The following CDH4 variants were observed in gnomAD, a reference collection of about 807,000 sequenced individuals.
CDH4 encodes cadherin 4, also known as cadherin-4.
CDH4 carries 33 observed loss-of-function variants against 86.0 expected under a neutral mutation model. The observed-to-expected ratio is 0.38, with a 90% confidence interval of 0.29 to 0.51. The LOEUF (loss-of-function observed/expected upper bound fraction) is 0.51. CDH4 is among the 20% of genes least tolerant of loss of function. The pLI is 0.86. For missense variants in CDH4, 1,114 were observed against 1,307.4 expected (o/e 0.85, Z 2.28); for synonymous variants, 555 against 549.4 (o/e 1.01, Z -0.14).
chr20:61,761,025 G>A (rs537345872), intron 3 of CDH4, among the ~76,000 whole-genome samples: 26 of 152,330 alleles, frequency 1.7e-4, no homozygotes, highest in African/African-American at 6.3e-4. Context: ...CCAGCTAGAA[G>A]GCTGCAGACA....
chr20:61,355,298 G>A (rs187200927), intron 2 of CDH4, among the ~76,000 whole-genome samples: 3 of 152,290 alleles, frequency 2.0e-5, no homozygotes, highest in East Asian at 1.9e-4. Flanking sequence ...CTCTCATTCC[G>A]CCTCTGCTGG....
At chr20:61,380,143 A>G (rs1223246677) in intron 2 of CDH4, among the ~76,000 whole-genome samples, 2 of 152,200 alleles carry the variant, frequency 1.3e-5, no homozygotes, top group African/African-American at 4.8e-5. Context: ...TTCATCAGAC[A>G]TTTAGGGGGA....
At chr20:61,861,554 C>G (rs1002724226) in intron 6 of CDH4, among the ~76,000 whole-genome samples, 3 of 152,216 alleles carry the variant, frequency 2.0e-5, no homozygotes, top group Non-Finnish European at 4.4e-5. Context: ...GTTAGGAATG[C>G]CTTTGGCTGA....
intron 2 of CDH4, among the ~76,000 whole-genome samples, chr20:61,653,741 C>T (rs1276240627): frequency 8.9e-6 from 1 of 112,068 alleles, no homozygotes; most frequent in Admixed American, 8.6e-5. Context: ...CCTCACATCC[C>T]AGACGGGGCG....
Position 61,936,740 on chromosome 20 carries a change from C to T in CDH4, c.2548C>T (p.Leu850Phe). ...GDIGDFINEG[L>F]RAADNDPTAP... ...ACTCTGTGTCTGTGACCCCCAGGGA[C>T]TCCGCGCTGCTGACAACGACCCCAC... Residue 850 changes from leucine (L) to phenylalanine (F), a missense_variant, in exon 16 of 16, where the codon CTC (leucine) becomes TTC (phenylalanine). Leu to Phe is a conservative substitution (Grantham distance 22). Coordinates refer to ENST00000614565, the MANE Select transcript of CDH4 (RefSeq NM_001794.5). 1 of 1,584,050 alleles carries T rather than the reference C, an allele frequency of 6.3e-7. No individual in the cohort carries two copies. The highest frequency in any genetic ancestry group is 8.6e-7 in the Non-Finnish European group (1 of 1,166,230).
intron 2 of CDH4, among the ~76,000 whole-genome samples, chr20:61,286,711 C>T (rs2084295184): frequency 6.6e-6 from 1 of 152,232 alleles, no homozygotes; most frequent in Non-Finnish European, 1.5e-5. Context: ...GTCAGCCCAG[C>T]TTGCAGGGAA....
At chr20:61,587,048 G>T (rs189164207) in intron 2 of CDH4, among the ~76,000 whole-genome samples, 3 of 152,262 alleles carry the variant, frequency 2.0e-5, no homozygotes, top group Non-Finnish European at 2.9e-5. Context: ...GGGAATATCT[G>T]CAGGTCAGAG....
rs371652117 is a variant in CDH4 at position 61,405,976 on chromosome 20, G to A, written c.169+151039G>A. 2.5e-4 allele frequency among the ~76,000 whole-genome samples: 38 copies of A among 152,206 alleles called. No homozygotes were observed. The South Asian group carries it at 7.1e-3, about 28-fold the overall frequency. ...ATTACAGGCGTGAGCCACCGCGCCC[G>A]GCCTATAATTTCTATAATTGATGAA... On this transcript the variant is annotated intron_variant, in intron 2 of 15. Coordinates refer to ENST00000614565, the MANE Select transcript of CDH4 (RefSeq NM_001794.5).
chr20:61,933,801 G>A (rs970582487), intron 14 of CDH4, among the ~76,000 whole-genome samples: 6 of 152,326 alleles, frequency 3.9e-5, no homozygotes, highest in Middle Eastern at 3.4e-3. Flanking sequence ...GAGGTCACTC[G>A]GGGAGAGCCC....
At chr20:61,372,653 G>A (rs1216538984) in intron 2 of CDH4, among the ~76,000 whole-genome samples, 5 of 152,186 alleles carry the variant, frequency 3.3e-5, no homozygotes, top group African/African-American at 9.7e-5. Flanking sequence ...TCCAGTTCTC[G>A]GTTACCCTGA....
At chr20:61,714,525 A>C (rs1355257731) in intron 2 of CDH4, among the ~76,000 whole-genome samples, 1 of 152,066 alleles carries the variant, frequency 6.6e-6, no homozygotes, top group East Asian at 1.9e-4. Context: ...TGGACATTGT[A>C]CCCAATAGGT....
At chr20:61,917,201 C>T (rs773212532) in intron 9 of CDH4, among the ~76,000 whole-genome samples, 32 of 152,214 alleles carry the variant, frequency 2.1e-4, no homozygotes, top group Non-Finnish European at 4.0e-4. Flanking sequence ...TGCGCCTTGC[C>T]ACCTCCCAGG....
intron 2 of CDH4, among the ~76,000 whole-genome samples, chr20:61,356,969 A>G (rs2084753756): frequency 6.6e-6 from 1 of 152,130 alleles, no homozygotes; most frequent in Non-Finnish European, 1.5e-5. Context: ...CCCATGTGCT[A>G]AGAGACGAGG....
chr20:61,808,601 G>A (rs957163244), intron 4 of CDH4, among the ~76,000 whole-genome samples: 1 of 152,178 alleles, frequency 6.6e-6, no homozygotes, highest in Non-Finnish European at 1.5e-5. Flanking sequence ...CCTCCTTAAT[G>A]TGATTTGAAA....
chr20:61,834,095 T>A (rs1252261460), intron 4 of CDH4, among the ~76,000 whole-genome samples: 1 of 152,034 alleles, frequency 6.6e-6, no homozygotes, highest in African/African-American at 2.4e-5. Flanking sequence ...GTGGGATGGT[T>A]CCCCCACACA....
At chr20:61,848,525 G>T (rs1448446243) in intron 5 of CDH4, among the ~76,000 whole-genome samples, 2 of 151,742 alleles carry the variant, frequency 1.3e-5, no homozygotes, top group African/African-American at 4.8e-5. Context: ...TTATTGTATT[G>T]TATTGTATTG....
intron 2 of CDH4, among the ~76,000 whole-genome samples, chr20:61,282,947 C>CATTTGCACGCGTGTGCTGTGGCGT (rs1555833167): frequency 4.3e-5 from 1 of 23,472 alleles, no homozygotes; most frequent in Non-Finnish European, 8.6e-5. Flanking sequence ...TGTGCTGTGG[C>CATTTGCACGCGTGTGCTGTGGCGT]GTGTGATGTA....
intron 2 of CDH4, among the ~76,000 whole-genome samples, chr20:61,739,667 G>A (rs373362461): frequency 6.6e-6 from 1 of 152,228 alleles, no homozygotes; most frequent in Non-Finnish European, 1.5e-5. Flanking sequence ...TTCCTGCCTA[G>A]AGGAGGGTGA....
chr20:61,610,729 G>A (rs1421113951), intron 2 of CDH4, among the ~76,000 whole-genome samples: 1 of 152,194 alleles, frequency 6.6e-6, no homozygotes, highest in African/African-American at 2.4e-5. Flanking sequence ...GATAGTGTCC[G>A]TGTTGAGGGA....
Sources: allele counts gnomAD v4.1 joint callset (sites outside exome capture counted in the v4.1 genomes callset), GRCh38; gene constraint gnomAD v4.1.1; transcripts MANE v1.5; gene names NCBI Gene and HGNC (gene_info 2026-07-23, HGNC 2026-07-21).